The following GNB1 variants were observed in gnomAD, a reference collection of about 807,000 sequenced individuals.
GNB1 encodes the protein guanine nucleotide-binding protein G(I)/G(S)/G(T) subunit beta-1.
GNB1 carries 2 observed loss-of-function variants against 42.9 expected under a neutral mutation model. The ratio of observed to expected loss-of-function variants is 0.05; its 90% confidence interval spans 0.02 to 0.15. GNB1 has a LOEUF of 0.15. Ranked by LOEUF, GNB1 falls within the 10% of genes least tolerant of loss-of-function variation. The probability of loss-of-function intolerance (pLI) is 1.00; values close to 1 mark genes in which losing one functional copy is unlikely to be tolerated. For missense variants in GNB1, 193 were observed against 462.2 expected, an observed-to-expected ratio of 0.42 and a Z score of 5.34; for synonymous variants, 183 against 174.7, an observed-to-expected ratio of 1.05 and a Z score of -0.38.
chr1:1,811,653 AC>A (rs1445902754), intron 5 of GNB1, among the ~76,000 whole-genome samples: 4 of 151,548 alleles, frequency 2.6e-5, no homozygotes, highest in Non-Finnish European at 4.4e-5. Context: ...CTAAGACAGC[AC>A]CATTGCACTC....
chr1:1,867,630 G>A (rs1006740602), intron 1 of GNB1, among the ~76,000 whole-genome samples: 1 of 152,164 alleles, frequency 6.6e-6, no homozygotes, highest in Admixed American at 6.5e-5. Flanking sequence ...TTTTAGAAAT[G>A]CTTTTATACT....
Position 1,891,068 on chromosome 1 carries a change from G to C in GNB1, c.-344C>G, listed in dbSNP as rs902621671. On this transcript the variant is annotated 5_prime_UTR_variant, in exon 1 of 12. The change creates a new upstream start codon in the 5' untranslated region. Transcript: ENST00000378609. ...CCCCTCAGACGCCTCCAGCCATCGG[G>C]ATGGGCGCGGCGGGCCCCTGCCCGC... 3.3e-5 allele frequency: 5 copies of C among 151,428 alleles called. No individual in the cohort carries two copies. The highest frequency in any genetic ancestry group is 1.2e-4 in the African/African-American group (5 of 41,198). 9.4% of individuals were successfully genotyped at this position (151,428 alleles called of 1,614,324 possible).
At chr1:1,858,045 A>C (rs1458874886) in intron 1 of GNB1, among the ~76,000 whole-genome samples, 1 of 152,218 alleles carries the variant, frequency 6.6e-6, no homozygotes, top group Non-Finnish European at 1.5e-5. Flanking sequence ...ACATGCCACA[A>C]AGCAGCACAC....
At position 1,817,859 on chromosome 1, in the gene GNB1, C is replaced by A; in HGVS notation, c.74G>T (p.Cys25Phe). Residue 25 changes from cysteine (C) to phenylalanine (F), a missense_variant, in exon 4 of 12, where the codon TGT (cysteine) becomes TTT (phenylalanine). Physicochemically the swap from Cys to Phe is radical, Grantham distance 205. Around this residue, in one of 2 missense-constraint regions of GNB1, gnomAD observed 43 missense variants for 51.5 expected, o/e 0.84. Transcript: ENST00000378609. Reference sequence around the variant, plus strand: ...TACCTGAGAGAGAGTTGCATCTGCACATGCTTTCCTGGCGTCCTGGGAAGC... The same window carrying A: ...TACCTGAGAGAGAGTTGCATCTGCAAATGCTTTCCTGGCGTCCTGGGAAGC... ...KNQIRDARKA[C>F]ADATLSQITN... 6.2e-7 allele frequency: 1 copy of A among 1,612,520 alleles called. No individual in the cohort carries two copies.
At chr1:1,837,286 ACT>A (rs1647165235) in intron 2 of GNB1, among the ~76,000 whole-genome samples, 1 of 139,390 alleles carries the variant, frequency 7.2e-6, no homozygotes, top group African/African-American at 2.7e-5. Context: ...ACGGAGTCTC[ACT>A]CTGTCACCCA....
chr1:1,832,899 A>G (rs1219409224), intron 2 of GNB1, among the ~76,000 whole-genome samples: 4 of 152,230 alleles, frequency 2.6e-5, no homozygotes, highest in Non-Finnish European at 5.9e-5. Context: ...GGTGTTATCT[A>G]TATCACAGAG....
At chr1:1,861,350 G>C (rs1424031751) in intron 1 of GNB1, among the ~76,000 whole-genome samples, 3 of 151,996 alleles carry the variant, frequency 2.0e-5, no homozygotes, top group Non-Finnish European at 2.9e-5. Flanking sequence ...ATCTGTAGCT[G>C]AGGCAGGAGG....
chr1:1,875,930 G>GTCATACTGAA (rs1649521451), intron 1 of GNB1, among the ~76,000 whole-genome samples: 1 of 152,124 alleles, frequency 6.6e-6, no homozygotes, highest in Non-Finnish European at 1.5e-5. Context: ...TTAAAACGAG[G>GTCATACTGAA]TCATACTGAA....
intron 2 of GNB1, among the ~76,000 whole-genome samples, chr1:1,829,892 C>T (rs1647052395): frequency 6.6e-6 from 1 of 152,034 alleles, no homozygotes; most frequent in Admixed American, 6.6e-5. Context: ...GCACATGCCA[C>T]CACAACCGGC....
intron 1 of GNB1, among the ~76,000 whole-genome samples, chr1:1,873,605 T>C (rs1649367451): frequency 1.3e-5 from 2 of 152,230 alleles, no homozygotes; most frequent in Non-Finnish European, 2.9e-5. Context: ...CATGACAATA[T>C]GCTCTTCTTA....
At chr1:1,821,720 CT>C (rs1646932377) in intron 3 of GNB1, among the ~76,000 whole-genome samples, 1 of 152,214 alleles carries the variant, frequency 6.6e-6, no homozygotes, top group African/African-American at 2.4e-5. Flanking sequence ...CATGACCTGC[CT>C]GTGGCTGCTG....
intron 1 of GNB1, among the ~76,000 whole-genome samples, chr1:1,872,749 A>G (rs1219715247): frequency 1.3e-5 from 2 of 152,134 alleles, no homozygotes; most frequent in Non-Finnish European, 2.9e-5. Context: ...CACCTACCAC[A>G]GGCCCAAACT....
chr1:1,865,361 CG>C (rs1340738175), intron 1 of GNB1, among the ~76,000 whole-genome samples: 1 of 150,126 alleles, frequency 6.7e-6, no homozygotes. Context: ...CCGAGGAGGG[CG>C]GATCACAAGG....
chr1:1,881,726 T>C (rs1222521047), intron 1 of GNB1, among the ~76,000 whole-genome samples: 1 of 152,196 alleles, frequency 6.6e-6, no homozygotes, highest in Non-Finnish European at 1.5e-5. Context: ...TTATCCAGAC[T>C]GTAAACCTTT....
chr1:1,846,752 G>T (rs374146268), intron 1 of GNB1, among the ~76,000 whole-genome samples: 3 of 152,096 alleles, frequency 2.0e-5, no homozygotes, highest in African/African-American at 7.2e-5. Flanking sequence ...TGGAGAGAGG[G>T]TCTCACTATG....
intron 2 of GNB1, among the ~76,000 whole-genome samples, chr1:1,829,940 A>G (rs1318441150): frequency 1.3e-5 from 2 of 151,780 alleles, no homozygotes; most frequent in Admixed American, 6.6e-5. Context: ...GGGTTTCATC[A>G]TGTTGGCCAG....
intron 7 of GNB1, among the ~76,000 whole-genome samples, chr1:1,796,679 G>C (rs1459064433): frequency 6.6e-6 from 1 of 152,258 alleles, no homozygotes; most frequent in Admixed American, 6.5e-5. Context: ...CAGAGGGGCA[G>C]GGAAAACAGA....
intron 1 of GNB1, among the ~76,000 whole-genome samples, chr1:1,866,082 G>A (rs913545520): frequency 6.6e-6 from 1 of 152,074 alleles, no homozygotes; most frequent in Non-Finnish European, 1.5e-5. Flanking sequence ...GGGATTACAG[G>A]CATGCACCAC....
intron 1 of GNB1, among the ~76,000 whole-genome samples, chr1:1,863,460 G>A (rs948584950): frequency 1.3e-5 from 2 of 152,190 alleles, no homozygotes; most frequent in African/African-American, 4.8e-5. Context: ...GAGGGGTTTG[G>A]GAGTGGGGCA....
Sources: allele counts gnomAD v4.1 joint callset (sites outside exome capture counted in the v4.1 genomes callset), GRCh38; gene constraint gnomAD v4.1.1; regional missense constraint gnomAD v4.1.1; transcripts MANE v1.5; gene names NCBI Gene and HGNC (gene_info 2026-07-23, HGNC 2026-07-21).